Variants in ZNF546 observed in about 807,000 individuals in gnomAD.
The protein encoded by ZNF546 is zinc finger protein 546.
A neutral mutation model predicts 76.2 loss-of-function variants in ZNF546; 60 were observed. The ratio of observed to expected loss-of-function variants is 0.79; its 90% CI spans 0.64 to 0.98. The LOEUF (loss-of-function observed/expected upper bound fraction) is 0.98. ZNF546 is among the 50% of genes least tolerant of loss of function. The pLI, the probability that ZNF546 is intolerant of heterozygous loss-of-function variation, is 0.00. For missense variants in ZNF546, 936 were observed against 1,035.6 expected, an observed-to-expected ratio of 0.90 and a Z score of 1.32; for synonymous variants, 277 against 328.1, an observed-to-expected ratio of 0.84 and a Z score of 1.68.
Position 40,014,096 on chromosome 19 carries a change from A to G in ZNF546, c.826A>G (p.Lys276Glu), listed in dbSNP as rs1224206112. ...TGCTGGGGAGAGACCCTATGAATGT[A>G]AAGAATGTGGGAAGGCCTTTAGACT... ...IHAGERPYECKECGKAFRLHY... is the reference protein window; with the variant it reads ...IHAGERPYECEECGKAFRLHY... The change falls in exon 7 of 7, where the codon AAA becomes GAA. Residue 276 changes from lysine (K) to glutamate (E), a missense_variant. Physicochemically the swap from Lys to Glu is moderately conservative, Grantham distance 56. Transcript: ENST00000347077. The G allele has an allele frequency of 6.2e-7, 1 of 1,613,934 alleles. No homozygotes were observed. The highest frequency in any genetic ancestry group is 8.5e-7 in the Non-Finnish European group (1 of 1,179,818).
chr19:39,998,351 G>T lies in ZNF546; in HGVS notation c.25G>T (p.Gly9Trp). Residue 9 changes from glycine to tryptophan, a missense_variant, in exon 3 of 7, where the codon GGG (glycine) becomes TGG (tryptophan). Transcript: ENST00000347077. ...CATGCAGGTGGACCCTCCTCTTCAC[G>T]GGCCTCCAAATGACTTTCTCATTTT... MQVDPPLH[G>W]PPNDFLIFQI... 9 of 1,614,074 alleles carry T rather than the reference G, an allele frequency of 5.6e-6. No individual in the cohort carries two copies. Among genetic ancestry groups the T allele is most frequent in the Non-Finnish European group, 6.8e-6 (8 of 1,180,002 alleles).
At chr19:40,008,827 T>C (rs1971638422) in intron 6 of ZNF546, among the ~76,000 whole-genome samples, 3 of 152,208 alleles carry the variant, frequency 2.0e-5, no homozygotes, top group East Asian at 1.9e-4. Context: ...TTCTTCCCCA[T>C]TGATGACCAT....
At chr19:40,001,230 C>T (rs1317478437) in intron 3 of ZNF546, among the ~76,000 whole-genome samples, 2 of 152,132 alleles carry the variant, frequency 1.3e-5, no homozygotes, top group African/African-American at 4.8e-5. Flanking sequence ...TGGCACAGTT[C>T]CTAACAGGCC....
At chr19:39,999,764 A>G (rs1193115874) in intron 3 of ZNF546, 1 of 150,730 alleles carries the variant, frequency 6.6e-6, no homozygotes, top group Non-Finnish European at 1.5e-5. Context: ...TTTAATAGAG[A>G]TGGGGTTTCG....
Position 40,015,133 on chromosome 19 carries a change from A to G in ZNF546, c.1863A>G (p.Gln621=), listed in dbSNP as rs762881571. ...CNECGKAFRF[Q]TELTQHHRIH... Reference sequence around the variant, plus strand: ...AATGTGGGAAAGCCTTTCGATTTCAAACAGAACTTACTCAGCATCACAGAA... The same window carrying G: ...AATGTGGGAAAGCCTTTCGATTTCAGACAGAACTTACTCAGCATCACAGAA... The change falls in exon 7 of 7, where the codon CAA becomes CAG. Residue 621 remains glutamine, a synonymous_variant. Coordinates refer to ENST00000347077, the MANE Select transcript of ZNF546 (RefSeq NM_178544.5). 15 of 1,613,732 alleles carry G rather than the reference A, an allele frequency of 9.3e-6. No homozygotes were observed. Among genetic ancestry groups the G allele is most frequent in the Non-Finnish European group, 1.2e-5 (14 of 1,179,874 alleles).
At chr19:40,005,081 C>T (rs559375908) in intron 3 of ZNF546, among the ~76,000 whole-genome samples, 6 of 134,282 alleles carry the variant, frequency 4.5e-5, no homozygotes, top group South Asian at 4.5e-4. Flanking sequence ...TGCAGTGGCG[C>T]GATTTCAGCT....
rs1242861399 is a variant in ZNF546, at chr19:40,017,036, C to A, written c.*1255C>A. The A allele has an allele frequency of 1.3e-5, 2 of 152,030 alleles. No individual in the cohort carries two copies. The highest frequency in any genetic ancestry group is 6.6e-5 in the Admixed American group (1 of 15,266). 9.4% of individuals were successfully genotyped at this position (152,030 alleles called of 1,614,324 possible). A position where few individuals can be genotyped will look rare whatever the true frequency, so the allele number is the denominator to read the frequency against. ...TTTTTCATTGGGGATACATTTAGTACATTCATGTGAGAGGAAGGCCCTGTG... is the reference window on the plus strand; with the variant it reads ...TTTTTCATTGGGGATACATTTAGTAAATTCATGTGAGAGGAAGGCCCTGTG... On this transcript the variant is annotated 3_prime_UTR_variant, in exon 7 of 7. Transcript: ENST00000347077.
intron 3 of ZNF546, 22 bp from the exon 4 acceptor site, chr19:40,006,074 A>G (rs201088144): frequency 6.2e-7 from 1 of 1,607,060 alleles, no homozygotes. Flanking sequence ...CTGGTCTCAG[A>G]GTCACTTGTT....
intron 6 of ZNF546, among the ~76,000 whole-genome samples, chr19:40,009,044 A>G (rs1324094797): frequency 1.3e-5 from 2 of 152,236 alleles, no homozygotes; most frequent in Non-Finnish European, 2.9e-5. Context: ...ACAGATAATA[A>G]TCAAGTTTTC....
intron 2 of ZNF546, 52 bp downstream of exon 2, chr19:39,997,967 C>T (rs1971476220): frequency 2.5e-5 from 5 of 200,182 alleles, no homozygotes; most frequent in Admixed American, 2.2e-4. Context: ...ACATTCTAAT[C>T]CTCACACAGC....
chr19:40,002,792 C>T (rs963897914), intron 3 of ZNF546, among the ~76,000 whole-genome samples: 7 of 151,636 alleles, frequency 4.6e-5, no homozygotes, highest in Admixed American at 3.3e-4. Flanking sequence ...CTCTGCCTCC[C>T]GGGTGGAAGC....
rs1195668129 is a variant in ZNF546, at chr19:40,014,608, T to C, written c.1338T>C (p.Cys446=). The change falls in exon 7 of 7, where the codon TGT becomes TGC. Residue 446 remains cysteine (C), a synonymous_variant. Coordinates refer to ENST00000347077, the MANE Select transcript of ZNF546 (RefSeq NM_178544.5). The part of the protein sequence containing the change: ...TGEKPYECRE[C]GKAFRLQTEL... ...AGAAACCCTATGAATGTAGAGAATG[T>C]GGAAAAGCCTTTCGTCTTCAAACGG... is the stretch of plus-strand genomic sequence containing the variant. 3.7e-6 allele frequency: 6 copies of C among 1,613,446 alleles called. No individual in the cohort carries two copies. Among genetic ancestry groups the C allele is most frequent in the Non-Finnish European group, 1.7e-6 (2 of 1,179,732 alleles).
rs1971837102 is a variant in ZNF546, at chr19:40,020,234, A to G, written c.*4453A>G. On this transcript the variant is annotated 3_prime_UTR_variant, in exon 7 of 7. Transcript: ENST00000347077. The stretch of plus-strand genomic sequence containing the variant: ...CAACTTGGACTAATGTCCATTGTCA[A>G]CCAAAATGTCTGTGATCTCATGGAT... The G allele has an allele frequency of 1.3e-5, 2 of 152,184 alleles. No homozygotes were observed. The highest frequency in any genetic ancestry group is 4.8e-5 in the African/African-American group (2 of 41,460). The allele number at this position is 152,184 out of a possible 1,614,324, so 9.4% of individuals were successfully genotyped here.
At chr19:40,004,105 ATATT>A (rs1971570275) in intron 3 of ZNF546, among the ~76,000 whole-genome samples, 1 of 141,256 alleles carries the variant, frequency 7.1e-6, no homozygotes, top group Non-Finnish European at 1.5e-5. Flanking sequence ...ATATAAATAT[ATATT>A]ATATATATAA....
At chr19:40,009,273 T>G (rs1971642551) in intron 6 of ZNF546, among the ~76,000 whole-genome samples, 1 of 152,256 alleles carries the variant, frequency 6.6e-6, no homozygotes, top group South Asian at 2.1e-4. Flanking sequence ...CCATCTGTGT[T>G]TATTCCCAAA....
Position 40,014,802 on chromosome 19 carries a change from A to G in ZNF546, c.1532A>G (p.His511Arg). Reference sequence around the variant, plus strand: ...GGAAAAACCTTCAGTAGTCGCTATCATCTCACTCAACACTACAGAATTCAT... The same window carrying G: ...GGAAAAACCTTCAGTAGTCGCTATCGTCTCACTCAACACTACAGAATTCAT... ...ECGKTFSSRY[H>R]LTQHYRIHTG... is the part of the protein sequence containing the mutation. The change falls in exon 7 of 7, where the codon CAT becomes CGT. Residue 511 changes from histidine (H) to arginine (R), a missense_variant. Transcript: ENST00000347077. 1 of 1,613,948 alleles carries G rather than the reference A, an allele frequency of 6.2e-7. No individual in the cohort carries two copies. The highest frequency in any genetic ancestry group is 8.5e-7 in the Non-Finnish European group (1 of 1,179,996).
chr19:40,011,061 T>C (rs73547631), intron 6 of ZNF546, among the ~76,000 whole-genome samples: 3,170 of 152,294 alleles, frequency 0.021, 77 homozygotes, highest in African/African-American at 0.052. Flanking sequence ...ATGTAAGTCC[T>C]TTATCAAATG....
intron 6 of ZNF546, among the ~76,000 whole-genome samples, chr19:40,012,661 T>C (rs1971687415): frequency 6.6e-6 from 1 of 152,200 alleles, no homozygotes; most frequent in African/African-American, 2.4e-5. Flanking sequence ...ATGAAAAAGA[T>C]TTTAAATGCA....
In ZNF546 at chr19:40,014,217, T is replaced by C. The variant is rs1971715825; in HGVS notation, c.947T>C (p.Leu316Pro). Reference protein sequence around the residue: ...CGKAFSRVRDLRVHQTIHAGE... With the variant: ...CGKAFSRVRDPRVHQTIHAGE... ...AAAGCCTTTAGTCGTGTTAGAGACC[T>C]TAGAGTACATCAGACAATTCATGCT... is the stretch of plus-strand genomic sequence containing the variant. The change falls in exon 7 of 7, where the codon CTT becomes CCT. Residue 316 changes from leucine (L) to proline (P), a missense_variant. Leu to Pro is a moderately conservative substitution (Grantham distance 98). Coordinates refer to ENST00000347077, the MANE Select transcript of ZNF546 (RefSeq NM_178544.5). 1 of 1,613,608 alleles carries C rather than the reference T, an allele frequency of 6.2e-7. No homozygotes were observed. The highest frequency in any genetic ancestry group is 8.5e-7 in the Non-Finnish European group (1 of 1,179,668).
Sources: allele counts gnomAD v4.1 joint callset (sites outside exome capture counted in the v4.1 genomes callset), GRCh38; gene constraint gnomAD v4.1.1; transcripts MANE v1.5; gene names NCBI Gene and HGNC (gene_info 2026-07-23, HGNC 2026-07-21).